Variants in C8orf34 observed in about 807,000 individuals in gnomAD.
C8orf34 encodes chromosome 8 open reading frame 34.
Under a neutral mutation model 68.3 loss-of-function variants are expected in C8orf34, and 65 were observed. The observed-to-expected ratio is 0.95, with a 90% CI of 0.78 to 1.17. C8orf34 has a LOEUF of 1.17. Ranked by LOEUF, C8orf34 falls within the 50% of genes most tolerant of loss-of-function variation. The probability of loss-of-function intolerance (pLI) is 0.00; values close to 1 mark genes in which losing one functional copy is unlikely to be tolerated. For missense variants in C8orf34, 664 were observed against 655.4 expected, an observed-to-expected ratio of 1.01 and a Z score of -0.14; for synonymous variants, 244 against 241.2, an observed-to-expected ratio of 1.01 and a Z score of -0.11.
intron 7 of C8orf34, among the ~76,000 whole-genome samples, chr8:68,544,731 A>C (rs1023212844): frequency 3.3e-5 from 5 of 152,178 alleles, no homozygotes; most frequent in Admixed American, 6.6e-5. Flanking sequence ...AAGAGTCTAG[A>C]ATTGAAAAGT....
At position 68,709,561 on chromosome 8, in the gene C8orf34, T is replaced by A. The variant is rs868260331; in HGVS notation, c.1327+482T>A. On this transcript the variant is annotated intron_variant, in intron 9 of 13. Transcript: ENST00000518698. ...CCCTCTCTCCCAGCCCTGTATTAAA[T>A]TGGTCTCCAATTATGTCAATGTCAC... is the stretch of plus-strand genomic sequence containing the variant. Among the ~76,000 whole-genome samples the A allele has an allele frequency of 3.3e-5, 5 of 152,266 alleles. No homozygotes were observed. The Middle Eastern group carries it at 0.01, about 311-fold the overall frequency.
chr8:68,710,624 A>G (rs1256726759), intron 9 of C8orf34, among the ~76,000 whole-genome samples: 1 of 152,108 alleles, frequency 6.6e-6, no homozygotes, highest in Non-Finnish European at 1.5e-5. Flanking sequence ...AGAAACAGCA[A>G]GCCCCATATA....
intron 7 of C8orf34, among the ~76,000 whole-genome samples, chr8:68,569,651 T>TG (rs1284428616): frequency 6.6e-6 from 1 of 152,188 alleles, no homozygotes; most frequent in Non-Finnish European, 1.5e-5. Flanking sequence ...TCCTTAACCC[T>TG]GAGTGCTACA....
At chr8:68,344,867 G>T (rs138697575) in intron 1 of C8orf34, among the ~76,000 whole-genome samples, 1 of 152,186 alleles carries the variant, frequency 6.6e-6, no homozygotes, top group East Asian at 1.9e-4. Flanking sequence ...AGTGATCTGT[G>T]ATATTGATAG....
At chr8:68,668,114 T>A (rs1344935979) in intron 8 of C8orf34, among the ~76,000 whole-genome samples, 1 of 152,070 alleles carries the variant, frequency 6.6e-6, no homozygotes, top group Non-Finnish European at 1.5e-5. Context: ...AAAGTATAAA[T>A]TTATATAAAA....
rs571230697 is a variant in C8orf34, at chr8:68,409,079, G to A, written c.328-30420G>A. On this transcript the variant is annotated intron_variant, in intron 1 of 13. Coordinates refer to ENST00000518698, the MANE Select transcript of C8orf34 (RefSeq NM_052958.4). ...TGGGATTACAGGCGTGAGCCACTGT[G>A]CCCGGCCTGAGCTGCCAGTCTTATA... Among the ~76,000 whole-genome samples the A allele has an allele frequency of 5.3e-5, 8 of 151,914 alleles. No individual in the cohort carries two copies. The South Asian group carries it at 1.5e-3, about 28-fold the overall frequency.
In C8orf34 at chr8:68,650,768, C is replaced by T. The variant is rs560473736; in HGVS notation, c.1241+10257C>T. Among the ~76,000 whole-genome samples, 3 of 151,958 alleles carry T rather than the reference C, an allele frequency of 2.0e-5. No homozygotes were observed. The South Asian group carries it at 6.2e-4, about 32-fold the overall frequency. On this transcript the variant is annotated intron_variant, in intron 8 of 13. Coordinates refer to ENST00000518698, the MANE Select transcript of C8orf34 (RefSeq NM_052958.4). ...TGCTGGGATTACAGGCGTGAGCCAC[C>T]GCACCCGGCCCACCCTAGTCTTTTA...
intron 10 of C8orf34, among the ~76,000 whole-genome samples, chr8:68,745,932 A>AT (rs1254955541): frequency 6.6e-6 from 1 of 152,062 alleles, no homozygotes; most frequent in Non-Finnish European, 1.5e-5. Flanking sequence ...CAGAATATAC[A>AT]TTTTTTTCAG....
Position 68,343,775 on chromosome 8 carries a change from G to T in C8orf34, c.327+12436G>T, listed in dbSNP as rs138717331. Among the ~76,000 whole-genome samples the T allele has an allele frequency of 2.9e-3, 448 of 152,054 alleles. 5 individuals carry two copies. Among genetic ancestry groups the T allele is most frequent in the African/African-American group, 0.01 (428 of 41,498 alleles). On this transcript the variant is annotated intron_variant, in intron 1 of 13. Transcript: ENST00000518698. Reference sequence around the variant, plus strand: ...TGCCCAGCTAATTTTTGTATTTTTGGTAGAGACAGGGTTTCACCATGTTGG... The same window carrying T: ...TGCCCAGCTAATTTTTGTATTTTTGTTAGAGACAGGGTTTCACCATGTTGG...
In C8orf34 at chr8:68,787,564, A is replaced by C. The variant is rs370820024; in HGVS notation, c.1549+28A>C. 4.0e-4 allele frequency: 592 copies of C among 1,498,150 alleles called. 17 individuals carry two copies. In the South Asian group the frequency reaches 6.9e-3, roughly 17 times the overall value. The allele number at this position is 1,498,150 out of a possible 1,614,324, so 92.8% of individuals were successfully genotyped here. A position where few individuals can be genotyped will look rare whatever the true frequency, so the allele number is the denominator to read the frequency against. On this transcript the variant is annotated intron_variant, in intron 12 of 13. Transcript: ENST00000518698. Reference sequence around the variant, plus strand: ...GAGTAGACACTATTGTTTATTGACAAATTTCTTTTACCAGAAGGAAATCCA... The same window carrying C: ...GAGTAGACACTATTGTTTATTGACACATTTCTTTTACCAGAAGGAAATCCA...
At chr8:68,527,073 T>C (rs1392050846) in intron 6 of C8orf34, among the ~76,000 whole-genome samples, 2 of 152,182 alleles carry the variant, frequency 1.3e-5, no homozygotes, top group African/African-American at 4.8e-5. Context: ...GAACACCAAA[T>C]TGAAATATTA....
intron 1 of C8orf34, among the ~76,000 whole-genome samples, chr8:68,431,968 A>C (rs114010240): frequency 3.9e-5 from 6 of 152,158 alleles, no homozygotes; most frequent in Admixed American, 3.9e-4. Context: ...TTTAAAATTT[A>C]TGACAAATGG....
chr8:68,642,650 G>A (rs1245805220), intron 8 of C8orf34, among the ~76,000 whole-genome samples: 5 of 152,158 alleles, frequency 3.3e-5, no homozygotes, highest in African/African-American at 1.2e-4. Context: ...TATTATGTAA[G>A]AGGAAACTGA....
intron 8 of C8orf34, among the ~76,000 whole-genome samples, chr8:68,643,052 C>G (rs1819059810): frequency 6.6e-6 from 1 of 152,166 alleles, no homozygotes; most frequent in Non-Finnish European, 1.5e-5. Flanking sequence ...GGCCACAGAC[C>G]AGTACCGGTT....
chr8:68,450,128 A>G (rs1441319419), intron 3 of C8orf34, among the ~76,000 whole-genome samples: 1 of 152,110 alleles, frequency 6.6e-6, no homozygotes, highest in Non-Finnish European at 1.5e-5. Context: ...TTCTATTTGA[A>G]GAAACCACTT....
chr8:68,648,589 AT>A (rs1404707483), intron 8 of C8orf34, among the ~76,000 whole-genome samples: 2 of 152,194 alleles, frequency 1.3e-5, no homozygotes, highest in Non-Finnish European at 2.9e-5. Context: ...TTTGCTTTTG[AT>A]GGTGCAAGTG....
At chr8:68,579,986 T>G (rs1817015696) in intron 7 of C8orf34, among the ~76,000 whole-genome samples, 1 of 152,166 alleles carries the variant, frequency 6.6e-6, no homozygotes, top group Admixed American at 6.6e-5. Flanking sequence ...GTTATCAATT[T>G]TGTTCACTCT....
intron 8 of C8orf34, among the ~76,000 whole-genome samples, chr8:68,669,330 T>C (rs960377575): frequency 3.3e-5 from 5 of 152,104 alleles, no homozygotes; most frequent in Non-Finnish European, 7.4e-5. Flanking sequence ...TGCTGTGAAC[T>C]CAAAGCTGCT....
intron 3 of C8orf34, among the ~76,000 whole-genome samples, chr8:68,458,657 G>C (rs1189325559): frequency 6.6e-6 from 1 of 152,178 alleles, no homozygotes; most frequent in African/African-American, 2.4e-5. Flanking sequence ...TCCCTCATCT[G>C]AACTTCTCTC....
Sources: allele counts gnomAD v4.1 joint callset (sites outside exome capture counted in the v4.1 genomes callset), GRCh38; gene constraint gnomAD v4.1.1; transcripts MANE v1.5; gene names NCBI Gene and HGNC (gene_info 2026-07-23, HGNC 2026-07-21).